Variants in ALG6 observed in about 807,000 individuals in gnomAD.
ALG6 encodes ALG6 alpha-1,3-glucosyltransferase, also known as dolichyl pyrophosphate Man9GlcNAc2 alpha-1,3-glucosyltransferase.
ALG6 carries 46 observed loss-of-function variants against 66.6 expected under a neutral mutation model. The ratio of observed to expected loss-of-function variants is 0.69; its 90% CI spans 0.55 to 0.88. The LOEUF is 0.88. Among genes scored for constraint, ALG6 ranks in the 40% least tolerant of loss-of-function variants. The probability of loss-of-function intolerance (pLI) is 0.00; values close to 1 mark genes in which losing one functional copy is unlikely to be tolerated. For synonymous variants in ALG6, 185 were observed against 203.7 expected (o/e 0.91, Z 0.78); for missense variants, 505 against 586.8 (o/e 0.86, Z 1.44).
At position 63,392,226 on chromosome 1, in the gene ALG6, A is replaced by G. The variant is rs138562194; in HGVS notation, c.83-4287A>G. On this transcript the variant is annotated intron_variant, in intron 2 of 14. Coordinates refer to ENST00000263440, the MANE Select transcript of ALG6 (RefSeq NM_013339.4). ...TGCTCTGTCACCCAGGCTGGAGTGC[A>G]ATGGCATGATCTCGGCTCACTGCAA... 7.4e-3 allele frequency among the ~76,000 whole-genome samples: 1,121 copies of G among 151,738 alleles called. 10 individuals carry two copies. Among genetic ancestry groups the G allele is most frequent in the African/African-American group, 0.024 (1,010 of 41,290 alleles).
rs972419887 is a variant in ALG6, at chr1:63,433,890, G to A, written c.1327-2933G>A. Among the ~76,000 whole-genome samples the A allele has an allele frequency of 6.6e-6, 1 of 152,194 alleles. No homozygotes were observed. The highest frequency in any genetic ancestry group is 1.5e-5 in the Non-Finnish European group (1 of 68,032). On this transcript the variant is annotated intron_variant, in intron 14 of 14. Transcript: ENST00000263440. The surrounding 1 kb of genome is among the most constrained non-coding windows in gnomAD (Gnocchi z 4.2). ...AGAACAACAAAGCAAGGGAGAAATC[G>A]ATATGATATGCAGGAGGGATGAATG...
chr1:63,429,120 A>G lies in ALG6; in HGVS notation c.1320A>G (p.Gln440=), dbSNP rs137918665. 19 of 1,591,232 alleles carry G rather than the reference A, an allele frequency of 1.2e-5. No individual in the cohort carries two copies. Among genetic ancestry groups the G allele is most frequent in the South Asian group, 5.6e-5 (5 of 88,584 alleles). Residue 440 remains glutamine (Q), a synonymous_variant, in exon 14 of 15, where the codon CAA becomes CAG. Transcript: ENST00000263440. The part of the protein sequence containing the change: ...PCFTFLSRII[Q]YLFLISVITM... ...TTACATTTCTTTCCAGAATTATACA[A>G]TATTTGGTAAGTTCAATTTTTAAGA...
chr1:63,429,152 A>G (rs1335046012), intron 14 of ALG6, 26 bp downstream of exon 14: 1 of 1,510,922 alleles, frequency 6.6e-7, no homozygotes, highest in Non-Finnish European at 9.1e-7. Flanking sequence ...AAGAAATGAC[A>G]CATTTTTCAG....
chr1:63,415,790 A>G, intron 10 of ALG6, 83 bp from the exon 11 acceptor site: 1 of 787,128 alleles, frequency 1.3e-6, no homozygotes, highest in Non-Finnish European at 2.1e-6. Context: ...TATGATCCTT[A>G]TATTTAAAAA....
At chr1:63,391,265 T>G (rs971915054) in intron 2 of ALG6, among the ~76,000 whole-genome samples, 3 of 152,204 alleles carry the variant, frequency 2.0e-5, no homozygotes, top group Non-Finnish European at 4.4e-5. Context: ...ATAACGCATT[T>G]ATTGAATATA....
At chr1:63,413,067 C>T (rs1644524456) in intron 9 of ALG6, among the ~76,000 whole-genome samples, 1 of 152,122 alleles carries the variant, frequency 6.6e-6, no homozygotes, top group Non-Finnish European at 1.5e-5. Flanking sequence ...ATAACCACCA[C>T]TTAGCAGGTG....
intron 1 of ALG6, among the ~76,000 whole-genome samples, chr1:63,368,271 G>C (rs994331832): frequency 6.6e-6 from 1 of 152,154 alleles, no homozygotes; most frequent in African/African-American, 2.4e-5. Flanking sequence ...GAAGAGAGTC[G>C]TTAAAAGCCT....
rs930985685 is a variant in ALG6, at chr1:63,433,595, G to A, written c.1327-3228G>A. Among the ~76,000 whole-genome samples the A allele has an allele frequency of 3.3e-5, 5 of 152,188 alleles. No individual in the cohort carries two copies. Among genetic ancestry groups the A allele is most frequent in the African/African-American group, 4.8e-5 (2 of 41,442 alleles). On this transcript the variant is annotated intron_variant, in intron 14 of 14. Coordinates refer to ENST00000263440, the MANE Select transcript of ALG6 (RefSeq NM_013339.4). The surrounding 1 kb of genome is among the most constrained non-coding windows in gnomAD (Gnocchi z 4.2). ...TTTGTTAGTATAGGCCCAGATTCCT[G>A]AGTGTATGTCAAAATCTAGCCCTAT...
intron 11 of ALG6, among the ~76,000 whole-genome samples, chr1:63,418,705 G>A (rs1644557339): frequency 6.6e-6 from 1 of 152,158 alleles, no homozygotes; most frequent in South Asian, 2.1e-4. Context: ...CAAAGATGGA[G>A]GGTGGCTTAG....
At position 63,394,224 on chromosome 1, in the gene ALG6, C is replaced by T. The variant is rs1325053359; in HGVS notation, c.83-2289C>T. Among the ~76,000 whole-genome samples the T allele has an allele frequency of 2.0e-5, 3 of 152,264 alleles. No homozygotes were observed. In the South Asian group the frequency reaches 6.2e-4, roughly 32 times the overall value. On this transcript the variant is annotated intron_variant, in intron 2 of 14. Coordinates refer to ENST00000263440, the MANE Select transcript of ALG6 (RefSeq NM_013339.4). ...CTAATGGGTTAATTAGTATATTTGA[C>T]TCTATGTGATTTTTACCTTACATGC...
intron 12 of ALG6, among the ~76,000 whole-genome samples, chr1:63,422,277 A>ATTTATATAGATATAAATATATATC (rs1394422519): frequency 1.1e-5 from 1 of 92,914 alleles, no homozygotes; most frequent in Admixed American, 1.3e-4. Flanking sequence ...AAATATATAT[A>ATTTATATAGATATAAATATATATC]TAAATATATA....
At chr1:63,394,576 G>A (rs1195103171) in intron 2 of ALG6, among the ~76,000 whole-genome samples, 1 of 152,052 alleles carries the variant, frequency 6.6e-6, no homozygotes, top group East Asian at 1.9e-4. Flanking sequence ...TCACCATGTT[G>A]GCCAGATGGT....
At chr1:63,421,210 C>T (rs1003401830) in intron 12 of ALG6, among the ~76,000 whole-genome samples, 1 of 152,118 alleles carries the variant, frequency 6.6e-6, no homozygotes, top group Admixed American at 6.6e-5. Flanking sequence ...TGGAGTTTTG[C>T]TCTTGTTGCC....
chr1:63,401,157 T>A lies in ALG6; in HGVS notation c.168-1097T>A, dbSNP rs543514263. ...ACCAGCTGGTACCATACTGTAGTAC[T>A]CTATGCCCAGATGTCTTGGCTGTCT... On this transcript the variant is annotated intron_variant, in intron 3 of 14. Transcript: ENST00000263440. 1.4e-4 allele frequency among the ~76,000 whole-genome samples: 22 copies of A among 152,272 alleles called. 2 individuals carry two copies. In the South Asian group the frequency reaches 4.3e-3, roughly 30 times the overall value.
intron 2 of ALG6, among the ~76,000 whole-genome samples, chr1:63,395,690 G>T (rs1648803654): frequency 6.6e-6 from 1 of 151,978 alleles, no homozygotes; most frequent in South Asian, 2.1e-4. Flanking sequence ...GCATGACTCT[G>T]TCTCAAAAAA....
intron 4 of ALG6, among the ~76,000 whole-genome samples, chr1:63,402,868 G>C (rs184712975): frequency 1.3e-5 from 2 of 151,040 alleles, no homozygotes; most frequent in Non-Finnish European, 3.0e-5. Context: ...AGGCCGAGGC[G>C]GGCGGATCAC....
chr1:63,413,853 T>A, intron 9 of ALG6: 1 of 482,566 alleles, frequency 2.1e-6, no homozygotes, highest in South Asian at 2.3e-5. Flanking sequence ...CCAATGCTTT[T>A]GATCAACTGC....
intron 2 of ALG6, 79 bp downstream of exon 2, chr1:63,371,138 T>G: frequency 1.1e-6 from 1 of 949,884 alleles, no homozygotes; most frequent in Non-Finnish European, 1.7e-6. Flanking sequence ...GTTTACCATT[T>G]TCTGACCAGT....
chr1:63,396,516 C>G lies in ALG6; in HGVS notation c.86C>G (p.Ala29Gly). ...WTVSLNSYSG[A>G]GKPPMFGDYE... ...CTCTTTTTACCTTTGATCTTAGGTG[C>G]TGGTAAACCGCCTATGTTTGGTGAT... Residue 29 changes from alanine to glycine, a missense_variant, in exon 3 of 15, where the codon GCT becomes GGT. Transcript: ENST00000263440. 6.2e-7 allele frequency: 1 copy of G among 1,613,720 alleles called. No individual in the cohort carries two copies. The highest frequency in any genetic ancestry group is 8.5e-7 in the Non-Finnish European group (1 of 1,179,708).
Sources: gnomAD v4.1 joint callset for allele counts (sites outside exome capture counted in the v4.1 genomes callset) on GRCh38, gnomAD v4.1.1 for gene constraint, Gnocchi (gnomAD v3.1) non-coding constraint, MANE v1.5 for transcripts, NCBI Gene and HGNC (gene_info 2026-07-23, HGNC 2026-07-21) for gene names.